VPS41: variants seen among roughly 807,000 people sequenced by gnomAD.
The protein encoded by VPS41 is VPS41 subunit of HOPS complex, also known as vacuolar protein sorting-associated protein 41 homolog.
A neutral mutation model predicts 130.9 loss-of-function variants in VPS41; 85 were observed. That is an observed-to-expected ratio of 0.65 (90% CI 0.55 to 0.78). The LOEUF is 0.78. VPS41 is among the 30% of genes least tolerant of loss of function. The pLI is 0.00. For synonymous variants in VPS41, 335 were observed against 332.9 expected (o/e 1.01, Z -0.07); for missense variants, 874 against 1,018.7 (o/e 0.86, Z 1.93).
At chr7:38,827,863 G>A (rs745451448) in intron 5 of VPS41, among the ~76,000 whole-genome samples, 1 of 152,070 alleles carries the variant, frequency 6.6e-6, no homozygotes, top group Non-Finnish European at 1.5e-5. Context: ...AAGGACTGAC[G>A]GTACTCCAGA....
intron 2 of VPS41, among the ~76,000 whole-genome samples, chr7:38,893,506 T>C (rs1341229945): frequency 6.6e-6 from 1 of 152,252 alleles, no homozygotes; most frequent in Non-Finnish European, 1.5e-5. Flanking sequence ...TTGAAGATAA[T>C]GTACTTCTTT....
chr7:38,854,061 C>T (rs1785926490), intron 4 of VPS41, among the ~76,000 whole-genome samples: 1 of 152,182 alleles, frequency 6.6e-6, no homozygotes, highest in South Asian at 2.1e-4. Context: ...GCCTTGGCAT[C>T]ATTTATCAGA....
At chr7:38,826,237 A>G (rs1785272351) in intron 5 of VPS41, among the ~76,000 whole-genome samples, 1 of 152,194 alleles carries the variant, frequency 6.6e-6, no homozygotes, top group African/African-American at 2.4e-5. Flanking sequence ...AAAATACCCA[A>G]AACAGTAACA....
chr7:38,849,244 G>C (rs931483634), intron 4 of VPS41, among the ~76,000 whole-genome samples: 1 of 152,090 alleles, frequency 6.6e-6, no homozygotes, highest in Non-Finnish European at 1.5e-5. Context: ...GGGCTGTGGT[G>C]CTCCTGACCC....
intron 10 of VPS41, among the ~76,000 whole-genome samples, chr7:38,788,511 T>C (rs1055502134): frequency 6.6e-6 from 1 of 152,202 alleles, no homozygotes; most frequent in African/African-American, 2.4e-5. Flanking sequence ...AAGATGACAA[T>C]TGCTACATTT....
At chr7:38,883,250 A>G (rs1243047371) in intron 2 of VPS41, among the ~76,000 whole-genome samples, 1 of 152,150 alleles carries the variant, frequency 6.6e-6, no homozygotes, top group East Asian at 1.9e-4. Flanking sequence ...AAAACAAACA[A>G]AAAATAAAAA....
Position 38,776,681 on chromosome 7 carries a change from T to A in VPS41, c.880A>T (p.Thr294Ser). 1 of 1,588,124 alleles carries A rather than the reference T, an allele frequency of 6.3e-7. No individual in the cohort carries two copies. The highest frequency in any genetic ancestry group is 1.1e-5 in the South Asian group (1 of 90,408). Residue 294 changes from threonine to serine, a missense_variant and splice_region_variant, in exon 11 of 29, where the codon ACG becomes TCG. Coordinates refer to ENST00000310301, the MANE Select transcript of VPS41 (RefSeq NM_014396.4). The part of the protein sequence containing the change: ...LSYVKEISEK[T>S]EREYCARPRL... ...GTATCTGGGGAGAAAATAATTACCG[T>A]TTTTTCTGAAATCTCCTTTACATAC...
chr7:38,803,072 C>A (rs1784763556), intron 7 of VPS41, among the ~76,000 whole-genome samples: 1 of 152,204 alleles, frequency 6.6e-6, no homozygotes, highest in African/African-American at 2.4e-5. Context: ...CCCTCACATC[C>A]TCAGCAATAT....
At chr7:38,877,462 G>A (rs1451863263) in intron 2 of VPS41, among the ~76,000 whole-genome samples, 2 of 152,118 alleles carry the variant, frequency 1.3e-5, no homozygotes, top group African/African-American at 4.8e-5. Flanking sequence ...TCTAGCAGTA[G>A]AAGCAAATAG....
chr7:38,737,275 T>C (rs781360946), intron 25 of VPS41, among the ~76,000 whole-genome samples: 1 of 151,890 alleles, frequency 6.6e-6, no homozygotes, highest in African/African-American at 2.4e-5. Context: ...AGGAGGCTGA[T>C]GCAGGAGAAT....
chr7:38,817,209 G>T (rs992815397), intron 7 of VPS41, among the ~76,000 whole-genome samples: 6 of 151,972 alleles, frequency 3.9e-5, no homozygotes, highest in Admixed American at 3.3e-4. Context: ...GTGTGCTTTT[G>T]TTATTTTTAA....
chr7:38,775,227 T>C (rs958937263), intron 11 of VPS41: 10 of 152,186 alleles, frequency 6.6e-5, no homozygotes, highest in African/African-American at 2.4e-4. Context: ...GAGTTTATTC[T>C]GTGTTTAAGG....
At chr7:38,838,062 A>G (rs1450957024) in intron 4 of VPS41, among the ~76,000 whole-genome samples, 2 of 152,228 alleles carry the variant, frequency 1.3e-5, no homozygotes, top group Non-Finnish European at 1.5e-5. Context: ...TAACAGTTCC[A>G]TAACATTTAA....
chr7:38,798,943 C>A (rs1197019201), intron 7 of VPS41, among the ~76,000 whole-genome samples: 2 of 152,092 alleles, frequency 1.3e-5, no homozygotes, highest in African/African-American at 2.4e-5. Context: ...CTCATTCCCC[C>A]AGAAAAAGCC....
At chr7:38,897,084 C>T (rs1787017920) in intron 2 of VPS41, among the ~76,000 whole-genome samples, 2 of 149,576 alleles carry the variant, frequency 1.3e-5, no homozygotes. Context: ...ATCCCAGCTA[C>T]TCGGGAGGCT....
intron 7 of VPS41, among the ~76,000 whole-genome samples, chr7:38,816,994 G>T (rs371320078): frequency 6.6e-6 from 1 of 152,078 alleles, no homozygotes; most frequent in East Asian, 1.9e-4. Context: ...CTCCCACCTT[G>T]GCCTCCCAAA....
chr7:38,803,429 A>G (rs1784773829), intron 7 of VPS41, among the ~76,000 whole-genome samples: 1 of 152,226 alleles, frequency 6.6e-6, no homozygotes. Context: ...GCCGAGGGTC[A>G]AGGCTTAGAT....
chr7:38,835,409 C>T (rs1222000894), intron 4 of VPS41, among the ~76,000 whole-genome samples: 1 of 151,652 alleles, frequency 6.6e-6, no homozygotes, highest in East Asian at 1.9e-4. Flanking sequence ...GGTCAAAAAC[C>T]AAAGGACAAA....
At chr7:38,864,039 A>G (rs1413994070) in intron 3 of VPS41, among the ~76,000 whole-genome samples, 2 of 152,216 alleles carry the variant, frequency 1.3e-5, no homozygotes, top group Non-Finnish European at 2.9e-5. Flanking sequence ...ACCACATACG[A>G]TAAGAATTGA....
Sources: allele counts gnomAD v4.1 joint callset (sites outside exome capture counted in the v4.1 genomes callset), GRCh38; gene constraint gnomAD v4.1.1; transcripts MANE v1.5; gene names NCBI Gene and HGNC (gene_info 2026-07-23, HGNC 2026-07-21).